Variants in FKBP5 observed in about 807,000 individuals in gnomAD.
The protein encoded by FKBP5 is peptidyl-prolyl cis-trans isomerase FKBP5.
FKBP5 carries 23 observed loss-of-function variants against 50.5 expected under a neutral mutation model. That is an observed-to-expected ratio of 0.46 (90% confidence interval 0.33 to 0.65). The LOEUF is 0.65. Ranked by LOEUF, FKBP5 falls within the 30% of genes least tolerant of loss-of-function variation. FKBP5 has a pLI of 0.02. For missense variants in FKBP5, 411 were observed against 553.1 expected (o/e 0.74, Z 2.58); for synonymous variants, 176 against 190.6 (o/e 0.92, Z 0.63).
At chr6:35,604,475 T>C (rs574115006) in intron 5 of FKBP5, among the ~76,000 whole-genome samples, 14 of 152,336 alleles carry the variant, frequency 9.2e-5, no homozygotes, top group African/African-American at 3.1e-4. Flanking sequence ...ATAAAATGGT[T>C]TCAAGAATTT....
intron 5 of FKBP5, among the ~76,000 whole-genome samples, chr6:35,613,343 T>C (rs940265667): frequency 3.3e-5 from 5 of 152,190 alleles, no homozygotes; most frequent in African/African-American, 1.2e-4. Context: ...CCCTCCCAAG[T>C]AGCTGGGATT....
chr6:35,623,297 C>T lies in FKBP5; in HGVS notation c.251-3023G>A, dbSNP rs541636237. On this transcript the variant is annotated intron_variant, in intron 3 of 10. Coordinates refer to ENST00000357266, the MANE Select transcript of FKBP5 (RefSeq NM_004117.4). ...GATAAAACACATCAAATGCATGGCA[C>T]GGTGCCCGGCACATAATATGTATTT... 9.2e-5 allele frequency among the ~76,000 whole-genome samples: 14 copies of T among 152,296 alleles called. No homozygotes were observed. The East Asian group carries it at 1.7e-3, about 19-fold the overall frequency.
chr6:35,603,025 T>C (rs1450551331), intron 5 of FKBP5, among the ~76,000 whole-genome samples: 1 of 152,186 alleles, frequency 6.6e-6, no homozygotes, highest in African/African-American at 2.4e-5. Context: ...TTGGGCAAGG[T>C]AATTAAAGTG....
chr6:35,585,115 G>A (rs1009276990), intron 8 of FKBP5: 3 of 982,678 alleles, frequency 3.1e-6, no homozygotes, highest in Non-Finnish European at 3.6e-6. Flanking sequence ...ACACTGAATC[G>A]ATATAATTCT....
chr6:35,647,645 T>C (rs1045159016), intron 1 of FKBP5, among the ~76,000 whole-genome samples: 3 of 152,236 alleles, frequency 2.0e-5, no homozygotes, highest in African/African-American at 7.2e-5. Context: ...GCTAGGGGAA[T>C]GCACTGGAGA....
intron 1 of FKBP5, among the ~76,000 whole-genome samples, chr6:35,665,293 C>T (rs973666594): frequency 3.5e-5 from 5 of 142,792 alleles, no homozygotes; most frequent in Admixed American, 2.1e-4. Context: ...AAATGCTCCT[C>T]TTTTTTTTTT....
intron 3 of FKBP5, 126 bp downstream of exon 3, chr6:35,636,888 A>C: frequency 1.3e-6 from 1 of 792,090 alleles, no homozygotes; most frequent in Non-Finnish European, 1.8e-6. Flanking sequence ...GGATTCTCAG[A>C]CCATTCTTTG....
At chr6:35,605,383 CTTTTTTTT>C (rs1158530509) in intron 5 of FKBP5, among the ~76,000 whole-genome samples, 28 of 52,308 alleles carry the variant, frequency 5.4e-4, no homozygotes, top group African/African-American at 1.7e-3. Context: ...ATGACAATAT[CTTTTTTTT>C]TTTTTTTTTT....
At chr6:35,719,873 G>A (rs1459679984) in intron 2 of FKBP5, among the ~76,000 whole-genome samples, 1 of 152,186 alleles carries the variant, frequency 6.6e-6, no homozygotes, top group Non-Finnish European at 1.5e-5. Context: ...GGGGGTTTCC[G>A]TACCCGGCCT....
chr6:35,587,382 T>G (rs1189112324), intron 7 of FKBP5, among the ~76,000 whole-genome samples: 2 of 152,194 alleles, frequency 1.3e-5, no homozygotes. Context: ...AGGAACGTAC[T>G]CTGGTAAGCA....
intron 4 of FKBP5, 152 bp downstream of exon 4, chr6:35,619,980 T>G (rs1763782310): frequency 2.1e-6 from 2 of 938,328 alleles, no homozygotes; most frequent in African/African-American, 3.3e-5. Context: ...CTTGGGTTTG[T>G]GGGAAACAAT....
intron 2 of FKBP5, among the ~76,000 whole-genome samples, chr6:35,638,208 T>A (rs1297915207): frequency 2.0e-5 from 3 of 152,204 alleles, no homozygotes; most frequent in Non-Finnish European, 4.4e-5. Flanking sequence ...TATGCCAAAT[T>A]AATCATTTTT....
rs1764184141 is a variant in FKBP5, at chr6:35,632,276, A to G, written c.250+4738T>C. Among the ~76,000 whole-genome samples the G allele has an allele frequency of 2.0e-5, 3 of 152,154 alleles. No individual in the cohort carries two copies. The South Asian group carries it at 6.2e-4, about 31-fold the overall frequency. On this transcript the variant is annotated intron_variant, in intron 3 of 10. Coordinates refer to ENST00000357266, the MANE Select transcript of FKBP5 (RefSeq NM_004117.4). ...CCTTAGATTGATTCTGTCTTTCCCAACTTCCTGGGGCTAAGCAAGATGGCT... is the reference window on the plus strand; with the variant it reads ...CCTTAGATTGATTCTGTCTTTCCCAGCTTCCTGGGGCTAAGCAAGATGGCT...
chr6:35,636,928 T>G, intron 3 of FKBP5, 86 bp downstream of exon 3: 1 of 1,292,262 alleles, frequency 7.7e-7, no homozygotes. Context: ...TTCTTTACTT[T>G]TAGAAAGGAT....
chr6:35,639,750 C>T (rs12211731), intron 2 of FKBP5, among the ~76,000 whole-genome samples: 283 of 152,274 alleles, frequency 1.9e-3, no homozygotes, highest in Admixed American at 2.1e-3. Flanking sequence ...CACATATATT[C>T]AGAAGAGATC....
chr6:35,651,353 A>T (rs1764793249), intron 1 of FKBP5, among the ~76,000 whole-genome samples: 1 of 152,230 alleles, frequency 6.6e-6, no homozygotes, highest in Non-Finnish European at 1.5e-5. Flanking sequence ...GGTTCCACTC[A>T]TCAGGACTTT....
intron 3 of FKBP5, among the ~76,000 whole-genome samples, chr6:35,636,076 C>G (rs1432989422): frequency 2.6e-5 from 4 of 152,190 alleles, no homozygotes; most frequent in African/African-American, 9.7e-5. Flanking sequence ...CACACATGAT[C>G]TTGTAACATC....
At chr6:35,717,772 C>T (rs2151023774) in intron 2 of FKBP5, among the ~76,000 whole-genome samples, 1 of 152,278 alleles carries the variant, frequency 6.6e-6, no homozygotes, top group African/African-American at 2.4e-5. Flanking sequence ...CTGGCTGAGG[C>T]CCCGCCGTCT....
intron 5 of FKBP5, among the ~76,000 whole-genome samples, chr6:35,614,439 A>C (rs1159996279): frequency 6.6e-6 from 1 of 152,168 alleles, no homozygotes; most frequent in Non-Finnish European, 1.5e-5. Flanking sequence ...AATTAACCAG[A>C]GCATGGCAGG....
Sources: gnomAD v4.1 joint callset for allele counts (sites outside exome capture counted in the v4.1 genomes callset) on GRCh38, gnomAD v4.1.1 for gene constraint, MANE v1.5 for transcripts, NCBI Gene and HGNC (gene_info 2026-07-23, HGNC 2026-07-21) for gene names.